Variants in AP1G1 observed in about 807,000 individuals in gnomAD.
AP1G1 encodes the protein AP-1 complex subunit gamma-1.
A neutral mutation model predicts 108.3 loss-of-function variants in AP1G1; 7 were observed. The observed-to-expected ratio is 0.06, with a 90% CI of 0.04 to 0.12. The LOEUF is 0.12. Among genes scored for constraint, AP1G1 ranks in the 10% least tolerant of loss-of-function variants. The pLI is 1.00. For missense variants in AP1G1, 756 were observed against 1,010.7 expected, an observed-to-expected ratio of 0.75 and a Z score of 3.42; for synonymous variants, 379 against 353.5, an observed-to-expected ratio of 1.07 and a Z score of -0.81.
rs371296339 is a variant in AP1G1 at position 71,756,181 on chromosome 16, A to G, written c.1089-22T>C. 105 of 1,599,452 alleles carry G rather than the reference A, an allele frequency of 6.6e-5. 1 individual carries two copies. In the African/African-American group the frequency reaches 1.2e-3, roughly 19 times the overall value. ...ACGCCTTGCAGAAGGGAAAAATTAA[A>G]AACAGTTAAGAAATTTATAGTGGAA... On this transcript the variant is annotated intron_variant, in intron 11 of 22. Transcript: ENST00000299980.
In AP1G1 at chr16:71,729,780, C is replaced by T. The variant is rs1387101970; in HGVS notation, c.*3278G>A. On this transcript the variant is annotated 3_prime_UTR_variant, in exon 23 of 23. Transcript: ENST00000299980. ...CCCAACTACAAAGTTCATGAACACCCACTTTTTCCTCTCTAGTTTTCTCAG... is the reference window on the plus strand; with the variant it reads ...CCCAACTACAAAGTTCATGAACACCTACTTTTTCCTCTCTAGTTTTCTCAG... 2.6e-5 allele frequency: 4 copies of T among 152,610 alleles called. No individual in the cohort carries two copies. The highest frequency in any genetic ancestry group is 4.4e-5 in the Non-Finnish European group (3 of 68,034). 9.5% of individuals were successfully genotyped at this position (152,610 alleles called of 1,614,324 possible).
In AP1G1 at chr16:71,779,889, C is replaced by T. The variant is rs570623624; in HGVS notation, c.202-5297G>A. On this transcript the variant is annotated intron_variant, in intron 2 of 22. Coordinates refer to ENST00000299980, the MANE Select transcript of AP1G1 (RefSeq NM_001128.6). ...TCCCAGCACTTTGGGGAGGCCAAGG[C>T]GGGAGTATTCCTTAAGCCCAGGAGC... Among the ~76,000 whole-genome samples the T allele has an allele frequency of 1.5e-4, 23 of 151,968 alleles. 1 individual carries two copies. Among genetic ancestry groups the T allele is most frequent in the South Asian group, 4.1e-4 (2 of 4,826 alleles).
intron 5 of AP1G1, among the ~76,000 whole-genome samples, chr16:71,770,257 T>G (rs2031518828): frequency 6.6e-6 from 1 of 152,244 alleles, no homozygotes; most frequent in South Asian, 2.1e-4. Context: ...TTTTGAGCAT[T>G]CTGGGCACAG....
At chr16:71,802,139 T>A (rs1362457725) in intron 1 of AP1G1, among the ~76,000 whole-genome samples, 4 of 152,200 alleles carry the variant, frequency 2.6e-5, no homozygotes, top group Admixed American at 2.6e-4. Context: ...TATACAGTTG[T>A]ACAACTCAAA....
At chr16:71,756,967 G>A (rs1205907838) in intron 11 of AP1G1, among the ~76,000 whole-genome samples, 3 of 151,228 alleles carry the variant, frequency 2.0e-5, no homozygotes, top group Non-Finnish European at 2.9e-5. Context: ...GAAAATGAGG[G>A]CCATGAGAAG....
intron 2 of AP1G1, among the ~76,000 whole-genome samples, chr16:71,779,995 G>GGTTT: frequency 7.7e-6 from 1 of 129,622 alleles, no homozygotes; most frequent in African/African-American, 2.8e-5. Context: ...GTTTTTTTTT[G>GGTTT]TTTTTTTTTT....
In AP1G1 at chr16:71,748,224, T is replaced by C. The variant is rs780211221; in HGVS notation, c.1625+27A>G. The C allele has an allele frequency of 2.5e-6, 4 of 1,595,524 alleles. No individual in the cohort carries two copies. The African/African-American group carries it at 4.1e-5, about 16-fold the overall frequency. The stretch of plus-strand genomic sequence containing the variant: ...TGTTTTTTAATTACAAAACAACCTG[T>C]TCACCCTATGTTTCTTCAATACTCA... On this transcript the variant is annotated intron_variant, in intron 16 of 22. Transcript: ENST00000299980.
Position 71,746,707 on chromosome 16 carries a change from A to G in AP1G1, c.1626-15T>C, listed in dbSNP as rs1243985814. 9.5e-6 allele frequency: 15 copies of G among 1,580,724 alleles called. No homozygotes were observed. In the Admixed American group the frequency reaches 2.6e-4, roughly 27 times the overall value. On this transcript the variant is annotated splice_polypyrimidine_tract_variant and intron_variant, in intron 16 of 22. Coordinates refer to ENST00000299980, the MANE Select transcript of AP1G1 (RefSeq NM_001128.6). ...TCTTAATTCGGCTATAGATAAAATG[A>G]CAAACGAAATAAAATACCCAAAAGA...
intron 6 of AP1G1, chr16:71,766,476 A>G (rs2031320072): frequency 2.2e-6 from 1 of 463,914 alleles, no homozygotes; most frequent in Admixed American, 2.4e-5. Flanking sequence ...TATTAAAACA[A>G]AAGGTTTGCC....
In AP1G1 at chr16:71,756,121, T is replaced by C. The variant is rs376453980; in HGVS notation, c.1127A>G (p.Asn376Ser). 3 of 1,613,688 alleles carry C rather than the reference T, an allele frequency of 1.9e-6. No homozygotes were observed. The African/African-American group carries it at 4.0e-5, about 22-fold the overall frequency. Residue 376 changes from asparagine to serine, a missense_variant, in exon 12 of 23, where the codon AAT becomes AGT. By Grantham distance (46) the Asn-to-Ser change is conservative. Coordinates refer to ENST00000299980, the MANE Select transcript of AP1G1 (RefSeq NM_001128.6). The stretch of plus-strand genomic sequence containing the variant: ...TTCTTTCATCATGCCTCGGATATTA[T>C]TCCCATTTACCAGGGCAAAACTCAA... Reference protein sequence around the residue: ...MELSFALVNGNNIRGMMKELL... With the variant: ...MELSFALVNGSNIRGMMKELL...
chr16:71,780,497 TAAA>T (rs537929533), intron 2 of AP1G1, among the ~76,000 whole-genome samples: 2 of 129,742 alleles, frequency 1.5e-5, no homozygotes, highest in Admixed American at 1.6e-4. Context: ...TCTCTTAATT[TAAA>T]AAAAAAAAAA....
At chr16:71,757,622 T>G (rs1010282803) in intron 11 of AP1G1, among the ~76,000 whole-genome samples, 1 of 152,230 alleles carries the variant, frequency 6.6e-6, no homozygotes, top group Admixed American at 6.5e-5. Context: ...TATCTGTATT[T>G]TACTTATGAG....
intron 19 of AP1G1, among the ~76,000 whole-genome samples, chr16:71,744,578 T>TTTG (rs2030067875): frequency 6.8e-6 from 1 of 147,598 alleles, no homozygotes; most frequent in Non-Finnish European, 1.5e-5. Flanking sequence ...TGTGTTTTTT[T>TTTG]TTTTTTTTTT....
At chr16:71,740,038 C>T (rs961038339) in intron 19 of AP1G1, among the ~76,000 whole-genome samples, 12 of 152,076 alleles carry the variant, frequency 7.9e-5, no homozygotes, top group Non-Finnish European at 1.3e-4. Context: ...GTGAAAATTT[C>T]GATGTCTGAT....
At chr16:71,807,261 A>G (rs535686072) in intron 1 of AP1G1, among the ~76,000 whole-genome samples, 4 of 152,160 alleles carry the variant, frequency 2.6e-5, no homozygotes, top group Non-Finnish European at 2.9e-5. Context: ...CCCCATCTCT[A>G]CTAAAATACA....
chr16:71,761,523 G>A lies in AP1G1; in HGVS notation c.963C>T (p.Asp321=). ...TTCAGTTAACTTACCTAATATTCTT[G>A]TCATTGTTCAATAAGAAACGACCCA... ...NILGRFLLNN[D]KNIRYVALTS... The change falls in exon 10 of 23, where the codon GAC becomes GAT. Residue 321 remains aspartate, a synonymous_variant. Transcript: ENST00000299980. 6.3e-7 allele frequency: 1 copy of A among 1,597,492 alleles called. No homozygotes were observed. Among genetic ancestry groups the A allele is most frequent in the Non-Finnish European group, 8.6e-7 (1 of 1,165,766 alleles).
chr16:71,784,628 G>A (rs1368604667), intron 2 of AP1G1, among the ~76,000 whole-genome samples: 3 of 151,872 alleles, frequency 2.0e-5, no homozygotes, highest in Admixed American at 6.6e-5. Flanking sequence ...GTATGATCTC[G>A]GCTCACTGCA....
chr16:71,799,837 T>C (rs1414780191), intron 1 of AP1G1, among the ~76,000 whole-genome samples: 4 of 151,508 alleles, frequency 2.6e-5, no homozygotes, highest in African/African-American at 9.7e-5. Flanking sequence ...AAGCAGAGCA[T>C]GCAGTGAGCC....
chr16:71,732,994 C>T lies in AP1G1; in HGVS notation c.*64G>A. The T allele has an allele frequency of 7.2e-7, 1 of 1,388,194 alleles. No homozygotes were observed. Among genetic ancestry groups the T allele is most frequent in the Non-Finnish European group, 1.0e-6 (1 of 988,304 alleles). The allele number at this position is 1,388,194 out of a possible 1,614,324, so 86.0% of individuals were successfully genotyped here. ...CAGTTGGGGGGGACTTGCCAGCAAT[C>T]ACAACCTCCTTCCCAGAGTTCCTTT... On this transcript the variant is annotated 3_prime_UTR_variant, in exon 23 of 23. Coordinates refer to ENST00000299980, the MANE Select transcript of AP1G1 (RefSeq NM_001128.6).
Sources: gnomAD v4.1 joint callset for allele counts (sites outside exome capture counted in the v4.1 genomes callset) on GRCh38, gnomAD v4.1.1 for gene constraint, MANE v1.5 for transcripts, NCBI Gene and HGNC (gene_info 2026-07-23, HGNC 2026-07-21) for gene names.